The following SHISA9 variants were observed in gnomAD, a reference collection of about 807,000 sequenced individuals.
The protein encoded by SHISA9 is protein shisa-9.
A neutral mutation model predicts 38.0 loss-of-function variants in SHISA9; 13 were observed. The ratio of observed to expected loss-of-function variants is 0.34; its 90% CI spans 0.22 to 0.54. The LOEUF (loss-of-function observed/expected upper bound fraction) is 0.54. Ranked by LOEUF, SHISA9 falls within the 20% of genes least tolerant of loss-of-function variation. SHISA9 has a pLI of 0.91. For missense variants in SHISA9, 538 were observed against 575.8 expected (o/e 0.93, Z 0.67); for synonymous variants, 275 against 242.0 (o/e 1.14, Z -1.27).
intron 2 of SHISA9, among the ~76,000 whole-genome samples, chr16:13,128,308 C>A (rs893244018): frequency 1.3e-5 from 2 of 152,116 alleles, no homozygotes; most frequent in African/African-American, 4.8e-5. Context: ...TGTGCATTGT[C>A]TAATTTAATT....
At chr16:13,360,321 A>T in the SHISA9 span, among the ~76,000 whole-genome samples, 2 of 152,124 alleles carry the variant, frequency 1.3e-5, no homozygotes, top group East Asian at 3.9e-4. Context: ...TTCCTGTCTC[A>T]GGGCTTGATA....
intron 2 of SHISA9, among the ~76,000 whole-genome samples, chr16:12,977,456 C>T (rs1379731321): frequency 6.6e-6 from 1 of 152,112 alleles, no homozygotes; most frequent in Non-Finnish European, 1.5e-5. Context: ...CCCAGCAATC[C>T]CATTACTGGG....
chr16:13,524,243 T>G, the SHISA9 span, among the ~76,000 whole-genome samples: 1 of 152,206 alleles, frequency 6.6e-6, no homozygotes, highest in Non-Finnish European at 1.5e-5. Context: ...CCTCACACAT[T>G]GCCCCCGGCT....
intron 2 of SHISA9, among the ~76,000 whole-genome samples, chr16:13,046,859 C>G (rs746387023): frequency 1.2e-4 from 18 of 152,152 alleles, no homozygotes; most frequent in Admixed American, 1.0e-3. Flanking sequence ...CTGGTTTCTG[C>G]TCAGCCTTAT....
intron 2 of SHISA9, among the ~76,000 whole-genome samples, chr16:13,061,537 A>G (rs1224200601): frequency 6.6e-6 from 1 of 152,150 alleles, no homozygotes; most frequent in African/African-American, 2.4e-5. Flanking sequence ...CACTTTGGAG[A>G]ATGCATTAGC....
intron 2 of SHISA9, among the ~76,000 whole-genome samples, chr16:12,982,284 T>C (rs532759417): frequency 6.6e-6 from 1 of 152,332 alleles, no homozygotes; most frequent in Non-Finnish European, 1.5e-5. Context: ...TTAAATAAAA[T>C]TAAAAATTCA....
At chr16:13,264,951 TCTC>T in the SHISA9 span, among the ~76,000 whole-genome samples, 3 of 149,180 alleles carry the variant, frequency 2.0e-5, no homozygotes, top group Non-Finnish European at 4.5e-5. Context: ...TTTCTCGTCT[TCTC>T]TTCCCTTCCC....
chr16:13,488,195 TC>T, the SHISA9 span, among the ~76,000 whole-genome samples: 2 of 148,294 alleles, frequency 1.3e-5, no homozygotes, highest in African/African-American at 2.5e-5. Flanking sequence ...CGACCATTCT[TC>T]CCCCCAGATT....
chr16:13,112,657 C>T (rs937740155), intron 2 of SHISA9, among the ~76,000 whole-genome samples: 16 of 151,770 alleles, frequency 1.1e-4, no homozygotes, highest in African/African-American at 3.6e-4. Flanking sequence ...AATTAAAGAC[C>T]AGTCAAGGGG....
At chr16:13,170,245 C>T (rs541912661) in intron 2 of SHISA9, among the ~76,000 whole-genome samples, 186 of 151,134 alleles carry the variant, frequency 1.2e-3, no homozygotes, top group African/African-American at 4.0e-3. Context: ...AATATATGTT[C>T]ATTTGTTCAT....
At chr16:13,003,985 T>C (rs1035655011) in intron 2 of SHISA9, among the ~76,000 whole-genome samples, 1 of 152,184 alleles carries the variant, frequency 6.6e-6, no homozygotes, top group Non-Finnish European at 1.5e-5. Flanking sequence ...GGGGGTGCTT[T>C]CTTTACAACT....
intron 4 of SHISA9, among the ~76,000 whole-genome samples, chr16:13,230,929 G>A (rs1298779725): frequency 6.6e-6 from 1 of 152,134 alleles, no homozygotes; most frequent in Non-Finnish European, 1.5e-5. Context: ...GATGACCAGA[G>A]GTTACTCTCA....
At chr16:12,995,545 C>A (rs17239765) in intron 2 of SHISA9, among the ~76,000 whole-genome samples, 1 of 152,068 alleles carries the variant, frequency 6.6e-6, no homozygotes, top group Non-Finnish European at 1.5e-5. Context: ...ATGTCTTAAA[C>A]GCAAATGAGG....
chr16:13,531,764 G>A, the SHISA9 span, among the ~76,000 whole-genome samples: 1 of 152,138 alleles, frequency 6.6e-6, no homozygotes, highest in Admixed American at 6.5e-5. Context: ...CCTGTGAAAT[G>A]GTGGGGCGGT....
intron 2 of SHISA9, among the ~76,000 whole-genome samples, chr16:12,952,188 C>T (rs1028953557): frequency 6.6e-6 from 1 of 152,216 alleles, no homozygotes; most frequent in Non-Finnish European, 1.5e-5. Context: ...GGGGAAACAG[C>T]AGCACTGCAG....
At chr16:13,079,854 G>GT (rs546656696) in intron 2 of SHISA9, among the ~76,000 whole-genome samples, 172 of 152,162 alleles carry the variant, frequency 1.1e-3, no homozygotes, top group African/African-American at 4.0e-3. Context: ...TGAAATGATT[G>GT]TTTTTTTAAC....
chr16:13,505,118 A>G, the SHISA9 span, among the ~76,000 whole-genome samples: 1 of 152,216 alleles, frequency 6.6e-6, no homozygotes, highest in African/African-American at 2.4e-5. Flanking sequence ...AGTGATTGCT[A>G]ACAAATTCCA....
intron 3 of SHISA9, among the ~76,000 whole-genome samples, chr16:13,206,836 C>T (rs1278300337): frequency 1.3e-5 from 2 of 152,214 alleles, no homozygotes; most frequent in East Asian, 1.9e-4. Flanking sequence ...ACAGCATATG[C>T]ATCCTAACTG....
At chr16:13,299,192 T>C in the SHISA9 span, among the ~76,000 whole-genome samples, 2 of 152,272 alleles carry the variant, frequency 1.3e-5, no homozygotes, top group South Asian at 4.1e-4. Context: ...GAATATTACT[T>C]TGTGGCTAAG....
Sources: allele counts gnomAD v4.1 joint callset (sites outside exome capture counted in the v4.1 genomes callset), GRCh38; gene constraint gnomAD v4.1.1; transcripts MANE v1.5; gene names NCBI Gene and HGNC (gene_info 2026-07-23, HGNC 2026-07-21).